GLRA1: variants seen among roughly 807,000 people sequenced by gnomAD.
GLRA1 encodes the protein glycine receptor subunit alpha-1.
A neutral mutation model predicts 48.3 loss-of-function variants in GLRA1; 37 were observed. The observed-to-expected ratio is 0.77, with a 90% CI of 0.59 to 1.01. The LOEUF (loss-of-function observed/expected upper bound fraction) is 1.01, where lower values mean the gene tolerates loss of function less well. GLRA1 is among the 50% of genes least tolerant of loss of function. The probability of loss-of-function intolerance (pLI) is 0.00; values close to 1 mark genes in which losing one functional copy is unlikely to be tolerated. For synonymous variants in GLRA1, 196 were observed against 210.7 expected (o/e 0.93, Z 0.60); for missense variants, 427 against 571.0 (o/e 0.75, Z 2.57).
chr5:151,894,010 G>A (rs1380953395), intron 1 of GLRA1, among the ~76,000 whole-genome samples: 1 of 152,072 alleles, frequency 6.6e-6, no homozygotes, highest in Non-Finnish European at 1.5e-5. Flanking sequence ...ACTAATTTTG[G>A]GTTGCTTTGG....
chr5:151,861,823 A>C (rs1753216017), intron 3 of GLRA1, among the ~76,000 whole-genome samples: 1 of 152,246 alleles, frequency 6.6e-6, no homozygotes, highest in South Asian at 2.1e-4. Context: ...CATGGATAGG[A>C]AGAATCAATA....
intron 7 of GLRA1, chr5:151,849,104 T>TTTTTTCTTTCTTTC (rs1554083270): frequency 8.6e-6 from 1 of 116,064 alleles, no homozygotes; most frequent in African/African-American, 7.0e-5. Flanking sequence ...ATTTCTTTTC[T>TTTTTTCTTTCTTTC]TTTCTTTCTT....
At chr5:151,868,624 C>T (rs1753397762) in intron 3 of GLRA1, among the ~76,000 whole-genome samples, 1 of 152,216 alleles carries the variant, frequency 6.6e-6, no homozygotes, top group African/African-American at 2.4e-5. Flanking sequence ...AGTTTGATGA[C>T]ACCTCAGTGT....
intron 1 of GLRA1, among the ~76,000 whole-genome samples, chr5:151,894,199 C>T (rs954231442): frequency 1.3e-5 from 2 of 152,136 alleles, no homozygotes; most frequent in South Asian, 2.1e-4. Flanking sequence ...AGTCATGCAG[C>T]GCATAATGTT....
At chr5:151,893,494 T>G (rs1754152918) in intron 1 of GLRA1, among the ~76,000 whole-genome samples, 1 of 152,114 alleles carries the variant, frequency 6.6e-6, no homozygotes, top group Non-Finnish European at 1.5e-5. Context: ...TTTGTCCTAA[T>G]GCTCTCCCTC....
chr5:151,851,604 C>G lies in GLRA1; in HGVS notation c.698G>C (p.Gly233Ala), dbSNP rs966544194. ...CCGGGCCTCAATGCAGGTGAATTTA[C>G]CTGCAAGAAATTGCAGTGAGAAGGC... ...LRYCTKHYNT[G>A]KFTCIEARFH... is the part of the protein sequence containing the mutation. The change falls in exon 7 of 9, where the codon GGT (glycine) becomes GCT (alanine). Residue 233 changes from glycine to alanine, a missense_variant and splice_region_variant. By Grantham distance (60) the Gly-to-Ala change is moderately conservative (BLOSUM62 0). Transcript: ENST00000274576. 1 of 1,609,648 alleles carries G rather than the reference C, an allele frequency of 6.2e-7. No homozygotes were observed.
chr5:151,876,167 C>T (rs1369546625), intron 3 of GLRA1, among the ~76,000 whole-genome samples: 1 of 152,200 alleles, frequency 6.6e-6, no homozygotes, highest in African/African-American at 2.4e-5. Context: ...TTCCCTAATT[C>T]TACATATGTG....
At chr5:151,844,346 G>A (rs866312923) in intron 7 of GLRA1, among the ~76,000 whole-genome samples, 14 of 152,140 alleles carry the variant, frequency 9.2e-5, no homozygotes, top group South Asian at 2.1e-4. Flanking sequence ...CCAAGGCCAG[G>A]AGCAGTGGCT....
At chr5:151,920,467 C>T (rs1349622159) in intron 1 of GLRA1, among the ~76,000 whole-genome samples, 2 of 152,136 alleles carry the variant, frequency 1.3e-5, no homozygotes, top group Non-Finnish European at 2.9e-5. Context: ...CTGCTTAAGT[C>T]ATTACCAGTT....
intron 1 of GLRA1, among the ~76,000 whole-genome samples, chr5:151,901,614 A>C (rs1227633639): frequency 6.6e-6 from 1 of 152,246 alleles, no homozygotes; most frequent in Non-Finnish European, 1.5e-5. Context: ...AATGGAGCCC[A>C]GGCTTTTGGA....
Position 151,864,779 on chromosome 5 carries a change from T to C in GLRA1, c.253-4771A>G, listed in dbSNP as rs559102623. 4.6e-5 allele frequency among the ~76,000 whole-genome samples: 7 copies of C among 152,258 alleles called. No individual in the cohort carries two copies. In the East Asian group the frequency reaches 1.4e-3, roughly 29 times the overall value. On this transcript the variant is annotated intron_variant, in intron 3 of 8. Transcript: ENST00000274576. ...TCCTCAGCTTGATTGGGAGCAATCT[T>C]AGTGGATGAACCAGACCTTATATTT...
At chr5:151,830,319 A>G (rs10476776) in intron 7 of GLRA1, among the ~76,000 whole-genome samples, 67,175 of 152,134 alleles carry the variant, frequency 0.44, 15,180 homozygotes, top group African/African-American at 0.54. Flanking sequence ...TTCTTTGAGG[A>G]CATTTTTCAA....
chr5:151,859,978 G>A lies in GLRA1; in HGVS notation c.283C>T (p.Gln95Ter). The A allele has an allele frequency of 6.2e-7, 1 of 1,613,896 alleles. No homozygotes were observed. The highest frequency in any genetic ancestry group is 8.5e-7 in the Non-Finnish European group (1 of 1,179,836). The change falls in exon 4 of 9, where the codon CAA becomes TAA. Residue 95 changes from glutamine (Q) to a stop codon, truncating the protein, a stop_gained. Transcript: ENST00000274576. LOFTEE classifies it high-confidence loss of function. ...TAGGCCAGGCGGGGGTCGTTCCATTGCTGCCGCAGGAAGATGTTGACCCTA... is the reference window on the plus strand; with the variant it reads ...TAGGCCAGGCGGGGGTCGTTCCATTACTGCCGCAGGAAGATGTTGACCCTA... ...DYRVNIFLRQ[Q>*]WNDPRLAYNE...
chr5:151,856,070 AC>A (rs1160066636), intron 5 of GLRA1, among the ~76,000 whole-genome samples: 5 of 152,236 alleles, frequency 3.3e-5, no homozygotes, highest in Non-Finnish European at 7.3e-5. Flanking sequence ...TGGAACAATG[AC>A]CCTTTGGAGA....
At chr5:151,825,988 CA>C (rs1763262096) in intron 8 of GLRA1, among the ~76,000 whole-genome samples, 1 of 152,210 alleles carries the variant, frequency 6.6e-6, no homozygotes, top group African/African-American at 2.4e-5. Flanking sequence ...CTCACTTCTG[CA>C]TCATTGTAAT....
At chr5:151,831,674 C>A (rs558000275) in intron 7 of GLRA1, among the ~76,000 whole-genome samples, 1 of 152,306 alleles carries the variant, frequency 6.6e-6, no homozygotes, top group East Asian at 1.9e-4. Flanking sequence ...ATAAAACTAC[C>A]AACTCTCTGG....
intron 3 of GLRA1, among the ~76,000 whole-genome samples, chr5:151,875,033 A>G (rs1264636259): frequency 1.3e-5 from 2 of 152,140 alleles, no homozygotes; most frequent in Non-Finnish European, 2.9e-5. Flanking sequence ...GTGGGAAAAA[A>G]GTAGATGGAT....
intron 3 of GLRA1, among the ~76,000 whole-genome samples, chr5:151,869,241 T>C (rs138980136): frequency 0.018 from 2,733 of 151,910 alleles, 38 homozygotes; most frequent in South Asian, 0.073. Context: ...GTAGCTGGGA[T>C]TATAGGCATC....
At position 151,890,497 on chromosome 5, in the gene GLRA1, A is replaced by G. The variant is rs1337920100; in HGVS notation, c.184+1814T>C. 3.3e-5 allele frequency among the ~76,000 whole-genome samples: 5 copies of G among 152,204 alleles called. 1 individual carries two copies. The stretch of plus-strand genomic sequence containing the variant: ...ATGCAACCTGGTTGCCAAGGGCCCT[A>G]ACCAGTTCCTGGAAGTGTTTGATTT... On this transcript the variant is annotated intron_variant, in intron 2 of 8. Transcript: ENST00000274576.
Sources: gnomAD v4.1 joint callset for allele counts (sites outside exome capture counted in the v4.1 genomes callset) on GRCh38, gnomAD v4.1.1 for gene constraint, MANE v1.5 for transcripts, NCBI Gene and HGNC (gene_info 2026-07-23, HGNC 2026-07-21) for gene names.